Variants in ZBTB38 observed in about 807,000 individuals in gnomAD.
ZBTB38 encodes zinc finger and BTB domain-containing protein 38.
A neutral mutation model predicts 76.8 loss-of-function variants in ZBTB38; 20 were observed. The observed-to-expected ratio is 0.26, with a 90% CI of 0.18 to 0.38. ZBTB38 has a LOEUF of 0.38. Among genes scored for constraint, ZBTB38 ranks in the 10% least tolerant of loss-of-function variants. The probability of loss-of-function intolerance (pLI) is 1.00; values close to 1 mark genes in which losing one functional copy is unlikely to be tolerated. For synonymous variants in ZBTB38, 504 were observed against 544.2 expected, an observed-to-expected ratio of 0.93 and a Z score of 1.03; for missense variants, 1,082 against 1,482.3, an observed-to-expected ratio of 0.73 and a Z score of 4.43.
chr3:141,383,990 G>T (rs1946580758), intron 3 of ZBTB38, among the ~76,000 whole-genome samples: 1 of 152,262 alleles, frequency 6.6e-6, no homozygotes, highest in South Asian at 2.1e-4. Context: ...ATTCAGGCAT[G>T]GGCATGGTTT....
chr3:141,351,197 C>G (rs1392899973), intron 1 of ZBTB38, among the ~76,000 whole-genome samples: 2 of 152,156 alleles, frequency 1.3e-5, no homozygotes, highest in East Asian at 1.9e-4. Flanking sequence ...ACTGACATTA[C>G]TGTTATTTGA....
At position 141,443,624 on chromosome 3, in the gene ZBTB38, T is replaced by C; in HGVS notation, c.1236T>C (p.Tyr412=). Residue 412 remains tyrosine (Y), a synonymous_variant, in exon 6 of 6, where the codon TAT becomes TAC. Transcript: ENST00000321464. This position sits in a 1 kb window ranked among gnomAD's most constrained non-coding sequence, Gnocchi z 5.6. ...GAAACCAACGCTTTTTAGAAAACTA[T>C]CCTACCATTGGACAAAATGGAGGTT... ...PGGNQRFLEN[Y]PTIGQNGGSF... 6.2e-7 allele frequency: 1 copy of C among 1,614,200 alleles called. No homozygotes were observed. Among genetic ancestry groups the C allele is most frequent in the Admixed American group, 1.7e-5 (1 of 60,028 alleles).
At chr3:141,396,251 T>G (rs1464963955) in intron 4 of ZBTB38, 2 of 152,314 alleles carry the variant, frequency 1.3e-5, no homozygotes, top group Non-Finnish European at 2.9e-5. Context: ...TGTTGTCATT[T>G]CAACAAGGTT....
rs116325609 is a variant in ZBTB38 at position 141,327,319 on chromosome 3, A to G, written c.-739+2863A>G. Among the ~76,000 whole-genome samples, 642 of 152,274 alleles carry G rather than the reference A, an allele frequency of 4.2e-3. 5 individuals carry two copies. The highest frequency in any genetic ancestry group is 0.015 in the African/African-American group (618 of 41,562). ...GAAAAAGAGAAATCTGACAAACACT[A>G]TCTTAGCCAGGCGATCAAGGTCAAT... On this transcript the variant is annotated intron_variant, in intron 1 of 7. Transcript: ENST00000509842.
chr3:141,409,400 C>G (rs1955860378), intron 5 of ZBTB38, among the ~76,000 whole-genome samples: 1 of 152,132 alleles, frequency 6.6e-6, no homozygotes, highest in Non-Finnish European at 1.5e-5. Context: ...CCAGCCTCTT[C>G]TCTCCACACT....
At chr3:141,374,890 C>T (rs1404328420) in intron 2 of ZBTB38, among the ~76,000 whole-genome samples, 1 of 152,148 alleles carries the variant, frequency 6.6e-6, no homozygotes, top group Non-Finnish European at 1.5e-5. Context: ...GTACGAATGT[C>T]TATTTCAAAA....
In ZBTB38 at chr3:141,445,261, T is replaced by G; in HGVS notation, c.2873T>G (p.Leu958Arg). 1 of 1,614,048 alleles carries G rather than the reference T, an allele frequency of 6.2e-7. No homozygotes were observed. Among genetic ancestry groups the G allele is most frequent in the Non-Finnish European group, 8.5e-7 (1 of 1,180,004 alleles). ...CATAAATGTAAATACCCAGCAGAAC[T>G]GGATTGCGCCGTGGGGAAGGCTCCT... is the stretch of plus-strand genomic sequence containing the variant. ...PSHKCKYPAELDCAVGKAPQD... is the reference protein window; with the variant it reads ...PSHKCKYPAERDCAVGKAPQD... The change falls in exon 6 of 6, where the codon CTG becomes CGG. Residue 958 changes from leucine to arginine, a missense_variant. Physicochemically the swap from Leu to Arg is moderately radical, Grantham distance 102 (BLOSUM62 -2). Around this residue, in one of 8 missense-constraint regions of ZBTB38, gnomAD observed 471 missense variants for 581.0 expected, o/e 0.81. Coordinates refer to ENST00000321464, the MANE Select transcript of ZBTB38 (RefSeq NM_001376113.1). This position sits in a 1 kb window ranked among gnomAD's most constrained non-coding sequence, Gnocchi z 6.5.
intron 5 of ZBTB38, among the ~76,000 whole-genome samples, chr3:141,420,826 T>C (rs2075187261): frequency 6.6e-6 from 1 of 152,156 alleles, no homozygotes; most frequent in African/African-American, 2.4e-5. Flanking sequence ...GATCAGTAGA[T>C]GTATTTTAAG....
intron 4 of ZBTB38, chr3:141,390,086 A>C (rs1948387615): frequency 6.6e-6 from 1 of 152,198 alleles, no homozygotes; most frequent in Admixed American, 6.5e-5. Flanking sequence ...ATAGAATAAT[A>C]ATTACTATAT....
At position 141,446,083 on chromosome 3, in the gene ZBTB38, TAAA is replaced by T. The variant is rs200973051; in HGVS notation, c.*119_*121del. On this transcript the variant is annotated 3_prime_UTR_variant, in exon 6 of 6. Coordinates refer to ENST00000321464, the MANE Select transcript of ZBTB38 (RefSeq NM_001376113.1). ...TGTGACAGTCATGAAGGAGTGAAAT[TAAA>T]AAAAAAAAAAACTCATTTGTGAAAA... 17 of 701,488 alleles carry T rather than the reference TAAA, an allele frequency of 2.4e-5. No individual in the cohort carries two copies. Among genetic ancestry groups the T allele is most frequent in the Non-Finnish European group, 3.2e-5 (16 of 499,660 alleles). The allele number at this position is 701,488 out of a possible 1,614,324, so 43.5% of individuals were successfully genotyped here. A position where few individuals can be genotyped will look rare whatever the true frequency, so the allele number is the denominator to read the frequency against.
chr3:141,358,065 A>G (rs1423473057), intron 1 of ZBTB38, among the ~76,000 whole-genome samples: 1 of 152,220 alleles, frequency 6.6e-6, no homozygotes, highest in African/African-American at 2.4e-5. Context: ...GGTTTGTAAT[A>G]TTCTTTCTTA....
rs931584582 is a variant in ZBTB38 at position 141,345,768 on chromosome 3, G to A, written c.-739+21312G>A. ...GGGAGGCTGGTAGTGCTTAACCTAC[G>A]ATAGGTTCCAATGCTAGTTTCCTTC... On this transcript the variant is annotated intron_variant, in intron 1 of 7. Transcript: ENST00000509842. Among the ~76,000 whole-genome samples the A allele has an allele frequency of 3.9e-5, 6 of 151,926 alleles. No homozygotes were observed. The South Asian group carries it at 6.2e-4, about 16-fold the overall frequency.
intron 5 of ZBTB38, among the ~76,000 whole-genome samples, chr3:141,424,535 T>A (rs1361213271): frequency 2.0e-5 from 3 of 151,956 alleles, no homozygotes; most frequent in African/African-American, 7.3e-5. Flanking sequence ...AAAATAAAAA[T>A]AAAAAATAAT....
chr3:141,391,538 C>T (rs1472825816), intron 4 of ZBTB38, among the ~76,000 whole-genome samples: 2 of 152,086 alleles, frequency 1.3e-5, no homozygotes, highest in South Asian at 2.1e-4. Context: ...CCTTTGACCC[C>T]GTCACGACCC....
intron 1 of ZBTB38, among the ~76,000 whole-genome samples, chr3:141,326,969 C>T (rs190770667): frequency 3.3e-5 from 5 of 152,208 alleles, no homozygotes; most frequent in African/African-American, 7.2e-5. Flanking sequence ...CCTCCATGCC[C>T]GAAGGGAAGT....
rs771013098 is a variant in ZBTB38 at position 141,444,782 on chromosome 3, T to C, written c.2394T>C (p.Pro798=). ...AGGAGTCAAACTATGTTGCTGATCC[T>C]GGAGGATCACTGAGCAAAACCACAA... ...IPEESNYVAD[P]GGSLSKTTNI... The change falls in exon 6 of 6, where the codon CCT becomes CCC. Residue 798 remains proline, a synonymous_variant. Coordinates refer to ENST00000321464, the MANE Select transcript of ZBTB38 (RefSeq NM_001376113.1). This position sits in a 1 kb window ranked among gnomAD's most constrained non-coding sequence, Gnocchi z 5.1. 5 of 1,614,042 alleles carry C rather than the reference T, an allele frequency of 3.1e-6. No homozygotes were observed. The highest frequency in any genetic ancestry group is 4.2e-6 in the Non-Finnish European group (5 of 1,180,050).
In ZBTB38 at chr3:141,444,575, C is replaced by T; in HGVS notation, c.2187C>T (p.His729=). 1.2e-6 allele frequency: 2 copies of T among 1,614,186 alleles called. No homozygotes were observed. Among genetic ancestry groups the T allele is most frequent in the Non-Finnish European group, 1.7e-6 (2 of 1,180,028 alleles). ...GCCAGTTTTCATCGGTGATCATGCA[C>T]AGCAATGCCATTGCTGCCATGACCA... ...HSSQFSSVIM[H]SNAIAAMTSS... Residue 729 remains histidine (H), a synonymous_variant, in exon 6 of 6, where the codon CAC becomes CAT. Transcript: ENST00000321464. The surrounding 1 kb of genome is among the most constrained non-coding windows in gnomAD (Gnocchi z 5.1).
chr3:141,371,048 T>TCC (rs1480749345), intron 2 of ZBTB38, among the ~76,000 whole-genome samples: 1 of 100,826 alleles, frequency 9.9e-6, no homozygotes, highest in African/African-American at 6.1e-5. Flanking sequence ...TTTCTTTCTT[T>TCC]TTTTTTTTTT....
At position 141,421,785 on chromosome 3, in the gene ZBTB38, C is replaced by G. The variant is rs191453338; in HGVS notation, c.-1+17754C>G. The stretch of plus-strand genomic sequence containing the variant: ...TGCGTGTTCCACTAAGCATCATGCC[C>G]TCTGTGCTTTTTGTTATCTAAAACA... On this transcript the variant is annotated intron_variant, in intron 5 of 5. Transcript: ENST00000321464. Among the ~76,000 whole-genome samples, 19 of 152,306 alleles carry G rather than the reference C, an allele frequency of 1.2e-4. No homozygotes were observed. The East Asian group carries it at 3.7e-3, about 29-fold the overall frequency.
Sources: allele counts gnomAD v4.1 joint callset (sites outside exome capture counted in the v4.1 genomes callset), GRCh38; gene constraint gnomAD v4.1.1; regional missense constraint gnomAD v4.1.1; non-coding constraint Gnocchi (gnomAD v3.1); transcripts MANE v1.5; gene names NCBI Gene and HGNC (gene_info 2026-07-23, HGNC 2026-07-21).